Variants in ZNF382 observed in about 807,000 individuals in gnomAD.
ZNF382 encodes zinc finger protein 382.
Under a neutral mutation model 38.8 loss-of-function variants are expected in ZNF382, and 20 were observed. The observed-to-expected ratio is 0.51, with a 90% CI of 0.36 to 0.75. ZNF382 has a LOEUF of 0.75. Among genes scored for constraint, ZNF382 ranks in the 30% least tolerant of loss-of-function variants. The pLI, the probability that ZNF382 is intolerant of heterozygous loss-of-function variation, is 0.00. For synonymous variants in ZNF382, 202 were observed against 223.1 expected, an observed-to-expected ratio of 0.91 and a Z score of 0.84; for missense variants, 546 against 654.1, an observed-to-expected ratio of 0.83 and a Z score of 1.80.
intron 4 of ZNF382, among the ~76,000 whole-genome samples, chr19:36,612,607 C>T (rs910752166): frequency 4.6e-5 from 7 of 152,126 alleles, no homozygotes; most frequent in African/African-American, 1.7e-4. Flanking sequence ...ATGTTGATTG[C>T]CCCACGTTCT....
rs2037261328 is a variant in ZNF382, at chr19:36,632,698, A to G, written c.*5148A>G. 6.6e-6 allele frequency: 1 copy of G among 152,252 alleles called. No homozygotes were observed. The highest frequency in any genetic ancestry group is 1.5e-5 in the Non-Finnish European group (1 of 68,054). 9.4% of individuals were successfully genotyped at this position (152,252 alleles called of 1,614,324 possible). ...AAGAGTCAGAGCCAGACATCTGGGC[A>G]TCGTGGAGATAATTTTAGAGCTTTG... On this transcript the variant is annotated 3_prime_UTR_variant, in exon 5 of 5. Coordinates refer to ENST00000292928, the MANE Select transcript of ZNF382 (RefSeq NM_032825.5).
intron 4 of ZNF382, 95 bp downstream of exon 4, chr19:36,610,837 T>C (rs2037071679): frequency 1.1e-6 from 1 of 874,492 alleles, no homozygotes. Context: ...TGTGGTAAAA[T>C]ACACATAACA....
intron 1 of ZNF382, 124 bp from the exon 2 acceptor site, chr19:36,607,428 G>A (rs2037043563): frequency 3.3e-6 from 2 of 602,480 alleles, no homozygotes; most frequent in Non-Finnish European, 5.7e-6. Flanking sequence ...GACATCTGAA[G>A]GGTACACAGG....
chr19:36,617,690 G>A (rs1441382209), intron 4 of ZNF382, among the ~76,000 whole-genome samples: 1 of 152,116 alleles, frequency 6.6e-6, no homozygotes, highest in Non-Finnish European at 1.5e-5. Context: ...TATAGTTGTG[G>A]GAGGGGGCAG....
rs1418623368 is a variant in ZNF382, at chr19:36,632,822, C to G, written c.*5272C>G. On this transcript the variant is annotated 3_prime_UTR_variant, in exon 5 of 5. Transcript: ENST00000292928. ...GTGAACAAGCATATCTCCTCACCCT[C>G]TGTGTCCCCAGTATCAGATAGTGCA... 6.6e-6 allele frequency: 1 copy of G among 152,224 alleles called. No homozygotes were observed. The highest frequency in any genetic ancestry group is 1.5e-5 in the Non-Finnish European group (1 of 68,046). The allele number at this position is 152,224 out of a possible 1,614,324, so 9.4% of individuals were successfully genotyped here. A position where few individuals can be genotyped will look rare whatever the true frequency, so the allele number is the denominator to read the frequency against.
chr19:36,615,006 A>C (rs567827908), intron 4 of ZNF382, among the ~76,000 whole-genome samples: 1 of 101,102 alleles, frequency 9.9e-6, no homozygotes, highest in Non-Finnish European at 1.8e-5. Context: ...TTTTTTTGAC[A>C]GTGTCTCTCT....
chr19:36,628,031 G>A lies in ZNF382; in HGVS notation c.*481G>A, dbSNP rs1428862666. On this transcript the variant is annotated 3_prime_UTR_variant, in exon 5 of 5. Coordinates refer to ENST00000292928, the MANE Select transcript of ZNF382 (RefSeq NM_032825.5). ...TTCTGACTTCTAACATTACAAATTAGTTTTTACTATTATAAACCTTTCTAT... is the reference window on the plus strand; with the variant it reads ...TTCTGACTTCTAACATTACAAATTAATTTTTACTATTATAAACCTTTCTAT... 6.4e-6 allele frequency: 1 copy of A among 155,710 alleles called. No homozygotes were observed. Among genetic ancestry groups the A allele is most frequent in the Non-Finnish European group, 1.4e-5 (1 of 70,170 alleles). 9.6% of individuals were successfully genotyped at this position (155,710 alleles called of 1,614,324 possible).
rs904602603 is a variant in ZNF382, at chr19:36,633,049, T to C, written c.*5499T>C. The C allele has an allele frequency of 6.6e-5, 10 of 152,078 alleles. No homozygotes were observed. The highest frequency in any genetic ancestry group is 2.4e-4 in the African/African-American group (10 of 41,398). The allele number at this position is 152,078 out of a possible 1,614,324, so 9.4% of individuals were successfully genotyped here. On this transcript the variant is annotated 3_prime_UTR_variant, in exon 5 of 5. Coordinates refer to ENST00000292928, the MANE Select transcript of ZNF382 (RefSeq NM_032825.5). ...TATCAGTTTATAATCAGGCTTTTTT[T>C]TTTTTTTTGAGACAGTGTCTCGCTC...
chr19:36,607,690 T>C, intron 2 of ZNF382, 68 bp downstream of exon 2: 1 of 1,385,144 alleles, frequency 7.2e-7, no homozygotes, highest in Admixed American at 2.7e-5. Flanking sequence ...AGCTTCACTG[T>C]CCTTTAACCT....
intron 4 of ZNF382, among the ~76,000 whole-genome samples, chr19:36,625,127 T>TATATATATAA (rs1305998638): frequency 6.1e-5 from 8 of 132,168 alleles, no homozygotes; most frequent in Non-Finnish European, 1.3e-4. Flanking sequence ...TATATATATA[T>TATATATATAA]AATGTATACA....
chr19:36,630,596 G>C lies in ZNF382; in HGVS notation c.*3046G>C, dbSNP rs1036410375. On this transcript the variant is annotated 3_prime_UTR_variant, in exon 5 of 5. Coordinates refer to ENST00000292928, the MANE Select transcript of ZNF382 (RefSeq NM_032825.5). ...GATCCACCCGCCTCAGCCTCCCAAA[G>C]TGCTGAGATTACAGGTGTGAGCCAC... The C allele has an allele frequency of 6.6e-6, 1 of 151,670 alleles. No individual in the cohort carries two copies. The highest frequency in any genetic ancestry group is 1.5e-5 in the Non-Finnish European group (1 of 67,996). The allele number at this position is 151,670 out of a possible 1,614,324, so 9.4% of individuals were successfully genotyped here. A position where few individuals can be genotyped will look rare whatever the true frequency, so the allele number is the denominator to read the frequency against.
At position 36,633,434 on chromosome 19, in the gene ZNF382, T is replaced by C. The variant is rs1251925107; in HGVS notation, c.*5884T>C. 6.8e-6 allele frequency: 1 copy of C among 147,858 alleles called. No individual in the cohort carries two copies. Among genetic ancestry groups the C allele is most frequent in the Non-Finnish European group, 1.5e-5 (1 of 68,032 alleles). The allele number at this position is 147,858 out of a possible 1,614,324, so 9.2% of individuals were successfully genotyped here. ...ACTCTTTCTTTTTTAACTTTTGTTT[T>C]AGATTCAGGAGTACAGGTGTGGATT... is the stretch of plus-strand genomic sequence containing the variant. On this transcript the variant is annotated 3_prime_UTR_variant, in exon 5 of 5. Coordinates refer to ENST00000292928, the MANE Select transcript of ZNF382 (RefSeq NM_032825.5).
intron 1 of ZNF382, among the ~76,000 whole-genome samples, chr19:36,607,227 G>A (rs530733380): frequency 1.3e-5 from 2 of 152,206 alleles, no homozygotes; most frequent in East Asian, 1.9e-4. Context: ...AAGAAGAACC[G>A]TTTGGAAATA....
intron 1 of ZNF382, among the ~76,000 whole-genome samples, chr19:36,606,727 A>G (rs1233693610): frequency 6.6e-6 from 1 of 151,966 alleles, no homozygotes; most frequent in East Asian, 1.9e-4. Context: ...TTGCTAAGAT[A>G]ATAAAAAGTA....
intron 1 of ZNF382, chr19:36,605,697 G>C (rs1442017244): frequency 6.6e-6 from 1 of 152,244 alleles, no homozygotes; most frequent in Non-Finnish European, 1.5e-5. Context: ...GCTGAATAGG[G>C]GTGGCCTCCT....
Position 36,617,429 on chromosome 19 carries a change from C to G in ZNF382, c.232+6687C>G, listed in dbSNP as rs139025529. On this transcript the variant is annotated intron_variant, in intron 4 of 4. Transcript: ENST00000292928. ...CCAGAGTAGTGGACCAGGAGTCTGA[C>G]TCACCAGTGGGTCCCCAGTCAGTCA... Among the ~76,000 whole-genome samples the G allele has an allele frequency of 3.7e-3, 565 of 152,208 alleles. 3 individuals are homozygous for G. The highest frequency in any genetic ancestry group is 6.2e-3 in the Non-Finnish European group (423 of 68,010).
At chr19:36,612,185 T>C (rs2145316092) in intron 4 of ZNF382, among the ~76,000 whole-genome samples, 1 of 152,376 alleles carries the variant, frequency 6.6e-6, no homozygotes, top group African/African-American at 2.4e-5. Context: ...ACAGTTGTGA[T>C]GTCTACCAAC....
chr19:36,618,435 G>C (rs2037142663), intron 4 of ZNF382, among the ~76,000 whole-genome samples: 2 of 152,158 alleles, frequency 1.3e-5, no homozygotes, highest in Admixed American at 1.3e-4. Flanking sequence ...TTGGGGCTCT[G>C]CTTTTTTGAC....
intron 4 of ZNF382, among the ~76,000 whole-genome samples, chr19:36,614,571 A>T (rs1350908443): frequency 6.6e-6 from 1 of 152,170 alleles, no homozygotes; most frequent in African/African-American, 2.4e-5. Context: ...TTTGGTATAG[A>T]AATCTTACAT....
Sources: allele counts gnomAD v4.1 joint callset (sites outside exome capture counted in the v4.1 genomes callset), GRCh38; gene constraint gnomAD v4.1.1; transcripts MANE v1.5; gene names NCBI Gene and HGNC (gene_info 2026-07-23, HGNC 2026-07-21).